Variants in ROBO1 observed in about 807,000 individuals in gnomAD.
ROBO1 encodes the protein roundabout guidance receptor 1.
In ROBO1, 149 loss-of-function variants were observed where a neutral mutation model predicts 195.9. The ratio of observed to expected loss-of-function variants is 0.76; its 90% CI spans 0.67 to 0.87. The LOEUF is 0.87. Ranked by LOEUF, ROBO1 falls within the 40% of genes least tolerant of loss-of-function variation. The pLI is 0.00. For synonymous variants in ROBO1, 816 were observed against 733.2 expected, an observed-to-expected ratio of 1.11 and a Z score of -1.82; for missense variants, 1,933 against 2,068.3, an observed-to-expected ratio of 0.93 and a Z score of 1.27.
intron 3 of ROBO1, among the ~76,000 whole-genome samples, chr3:78,988,180 GCTCT>G (rs1329888198): frequency 1.3e-5 from 2 of 151,924 alleles, no homozygotes; most frequent in Non-Finnish European, 2.9e-5. Flanking sequence ...TTAAAATCTT[GCTCT>G]CTCTCTTTTT....
intron 4 of ROBO1, among the ~76,000 whole-genome samples, chr3:78,854,281 T>C (rs1054868751): frequency 6.8e-6 from 1 of 147,762 alleles, no homozygotes; most frequent in South Asian, 2.1e-4. Flanking sequence ...ATAATCAATA[T>C]GATGTATTAT....
intron 21 of ROBO1, among the ~76,000 whole-genome samples, chr3:78,643,935 G>C (rs534140212): frequency 3.0e-4 from 46 of 152,194 alleles, no homozygotes; most frequent in African/African-American, 1.1e-3. Context: ...GGATACAGGA[G>C]GTCCAAGAGG....
intron 2 of ROBO1, among the ~76,000 whole-genome samples, chr3:79,204,037 A>C (rs2081817981): frequency 6.6e-6 from 1 of 152,060 alleles, no homozygotes; most frequent in Non-Finnish European, 1.5e-5. Context: ...TATGGATTTG[A>C]TATTTTTCCT....
chr3:79,436,778 CTT>C lies in ROBO1; in HGVS notation c.88+153044_88+153045del, dbSNP rs1435295403. ...ATCATTCCAAAAACTTCAGGCTGAG[CTT>C]CCTCATATCAAAAAAGGCATTGTAA... On this transcript the variant is annotated intron_variant, in intron 2 of 30. Transcript: ENST00000464233. Among the ~76,000 whole-genome samples the C allele has an allele frequency of 5.9e-5, 9 of 152,122 alleles. No homozygotes were observed. In the East Asian group the frequency reaches 1.7e-3, roughly 29 times the overall value.
chr3:79,757,564 C>T (rs79341996), intron 1 of ROBO1, among the ~76,000 whole-genome samples: 20,382 of 150,848 alleles, frequency 0.14, 1,456 homozygotes, highest in African/African-American at 0.15. Flanking sequence ...TTGTAATGCC[C>T]GAGCTTTGGG....
At chr3:78,824,933 A>C (rs2031440983) in intron 4 of ROBO1, among the ~76,000 whole-genome samples, 1 of 152,102 alleles carries the variant, frequency 6.6e-6, no homozygotes, top group African/African-American at 2.4e-5. Context: ...TTCCATCTTG[A>C]AAATAAGTCT....
intron 5 of ROBO1, among the ~76,000 whole-genome samples, chr3:78,724,619 T>C (rs915475223): frequency 6.6e-6 from 1 of 151,066 alleles, no homozygotes; most frequent in Admixed American, 6.6e-5. Flanking sequence ...GAGGCAGAGG[T>C]TGCAGTGAGC....
rs557214357 is a variant in ROBO1, at chr3:78,687,734, C to T, written c.1170+914G>A. Among the ~76,000 whole-genome samples the T allele has an allele frequency of 1.7e-3, 266 of 152,288 alleles. 2 individuals carry two copies. Among genetic ancestry groups the T allele is most frequent in the Non-Finnish European group, 2.6e-3 (178 of 68,018 alleles). On this transcript the variant is annotated intron_variant, in intron 9 of 30. Coordinates refer to ENST00000464233, the MANE Select transcript of ROBO1 (RefSeq NM_002941.4). Reference sequence around the variant, plus strand: ...CTACCTCGTGGGCTCAAGTGATCCTCCTGCCCCAGCCTCCAGAGTAGCTGG... The same window carrying T: ...CTACCTCGTGGGCTCAAGTGATCCTTCTGCCCCAGCCTCCAGAGTAGCTGG...
At chr3:79,046,839 C>T (rs985539959) in intron 3 of ROBO1, among the ~76,000 whole-genome samples, 2 of 152,264 alleles carry the variant, frequency 1.3e-5, no homozygotes, top group African/African-American at 2.4e-5. Flanking sequence ...CTTTGTACTT[C>T]TCAATCCAAT....
chr3:78,851,532 CATACAGA>C (rs2034067147), intron 4 of ROBO1, among the ~76,000 whole-genome samples: 1 of 152,122 alleles, frequency 6.6e-6, no homozygotes, highest in Non-Finnish European at 1.5e-5. Context: ...CATTTCCTGG[CATACAGA>C]ATACATTCAA....
intron 4 of ROBO1, among the ~76,000 whole-genome samples, chr3:78,922,713 G>A (rs1457427721): frequency 2.7e-5 from 4 of 150,134 alleles, no homozygotes; most frequent in African/African-American, 7.4e-5. Context: ...GGGTTCAAGC[G>A]ATTCTCCTGC....
chr3:78,612,004 G>T (rs1703844055), intron 28 of ROBO1, among the ~76,000 whole-genome samples: 1 of 152,126 alleles, frequency 6.6e-6, no homozygotes, highest in Non-Finnish European at 1.5e-5. Context: ...ATGGTACTTT[G>T]TTATGGCGGC....
intron 3 of ROBO1, among the ~76,000 whole-genome samples, chr3:79,110,621 C>CTT (rs397877079): frequency 0.012 from 1,589 of 127,872 alleles, 36 homozygotes; most frequent in African/African-American, 0.045. Context: ...AGGGAAATAA[C>CTT]TTTTTTTTTT....
intron 2 of ROBO1, among the ~76,000 whole-genome samples, chr3:79,412,402 ATT>A (rs535951490): frequency 5.3e-5 from 8 of 152,120 alleles, no homozygotes; most frequent in Non-Finnish European, 8.8e-5. Flanking sequence ...AAAAGCTGTG[ATT>A]TCAGCATTTT....
intron 2 of ROBO1, among the ~76,000 whole-genome samples, chr3:79,537,117 T>TTA (rs936813718): frequency 9.2e-5 from 14 of 151,896 alleles, no homozygotes; most frequent in African/African-American, 3.4e-4. Context: ...TTTTTTATTT[T>TTA]TTTTTTGACT....
chr3:79,227,801 T>G (rs1373634724), intron 2 of ROBO1, among the ~76,000 whole-genome samples: 2 of 152,294 alleles, frequency 1.3e-5, no homozygotes, highest in East Asian at 3.9e-4. Context: ...GGTGAATAGT[T>G]TTAAATAATA....
intron 2 of ROBO1, among the ~76,000 whole-genome samples, chr3:79,553,482 TTCAAG>T (rs1331201620): frequency 6.6e-6 from 1 of 152,050 alleles, no homozygotes; most frequent in Non-Finnish European, 1.5e-5. Flanking sequence ...AAAATTCTCA[TTCAAG>T]AGAATTTCAA....
intron 10 of ROBO1, among the ~76,000 whole-genome samples, chr3:78,678,620 A>C (rs908531822): frequency 9.2e-5 from 14 of 152,124 alleles, no homozygotes; most frequent in Non-Finnish European, 1.8e-4. Context: ...CCAAGACTAA[A>C]CCAGGAAGAA....
chr3:78,934,775 T>C (rs1383305033), intron 4 of ROBO1, among the ~76,000 whole-genome samples: 1 of 151,768 alleles, frequency 6.6e-6, no homozygotes, highest in Non-Finnish European at 1.5e-5. Flanking sequence ...CTCTGAATAT[T>C]TCTGATGATA....
Sources: gnomAD v4.1 joint callset for allele counts (sites outside exome capture counted in the v4.1 genomes callset) on GRCh38, gnomAD v4.1.1 for gene constraint, MANE v1.5 for transcripts, NCBI Gene and HGNC (gene_info 2026-07-23, HGNC 2026-07-21) for gene names.